The following FBXW11 variants were observed in gnomAD, a reference collection of about 807,000 sequenced individuals.
FBXW11 encodes F-box and WD repeat domain containing 11.
FBXW11 carries 19 observed loss-of-function variants against 77.6 expected under a neutral mutation model. The ratio of observed to expected loss-of-function variants is 0.24; its 90% CI spans 0.17 to 0.36. The LOEUF is 0.36. Among genes scored for constraint, FBXW11 ranks in the 10% least tolerant of loss-of-function variants. The pLI is 1.00. For missense variants in FBXW11, 334 were observed against 704.2 expected (o/e 0.47, Z 5.95); for synonymous variants, 235 against 249.4 (o/e 0.94, Z 0.54).
chr5:171,998,000 A>C (rs866211258), intron 1 of FBXW11, among the ~76,000 whole-genome samples: 5 of 152,186 alleles, frequency 3.3e-5, no homozygotes, highest in African/African-American at 1.2e-4. Context: ...TTCTCAAAAA[A>C]AGATGAGCAG....
At chr5:171,977,766 TC>T (rs112311399) in intron 1 of FBXW11, 3 of 351,516 alleles carry the variant, frequency 8.5e-6, no homozygotes. Flanking sequence ...TTAAGAAAGA[TC>T]AGATCTCGTG....
In FBXW11 at chr5:171,914,338, C is replaced by T; in HGVS notation, c.210+5G>A. On this transcript the variant is annotated splice_donor_5th_base_variant and intron_variant, in intron 3 of 13. Transcript: ENST00000517395. Reference sequence around the variant, plus strand: ...GCTATCTAATCTGTGCGCCGTCATTCCTACCTGCCAAAGAGTATTTTTCTT... The same window carrying T: ...GCTATCTAATCTGTGCGCCGTCATTTCTACCTGCCAAAGAGTATTTTTCTT... 6.2e-7 allele frequency: 1 copy of T among 1,602,130 alleles called. No individual in the cohort carries two copies. The highest frequency in any genetic ancestry group is 8.5e-7 in the Non-Finnish European group (1 of 1,174,470).
chr5:171,892,002 G>A (rs1202131838), intron 6 of FBXW11, among the ~76,000 whole-genome samples: 2 of 152,124 alleles, frequency 1.3e-5, no homozygotes, highest in East Asian at 3.9e-4. Flanking sequence ...TCCAAACAAA[G>A]AATTGTCTTG....
At chr5:171,994,307 T>C (rs928692314) in intron 1 of FBXW11, among the ~76,000 whole-genome samples, 2 of 152,178 alleles carry the variant, frequency 1.3e-5, no homozygotes, top group Non-Finnish European at 2.9e-5. Context: ...TTAACCACTC[T>C]ACCCTTTAGT....
intron 2 of FBXW11, among the ~76,000 whole-genome samples, chr5:171,933,427 C>T (rs1581221750): frequency 1.3e-5 from 2 of 152,166 alleles, no homozygotes; most frequent in East Asian, 1.9e-4. Context: ...ATGATGGAAA[C>T]ATGTTATTAT....
chr5:171,934,981 C>T (rs1374257255), intron 2 of FBXW11, among the ~76,000 whole-genome samples: 1 of 151,896 alleles, frequency 6.6e-6, no homozygotes, highest in Non-Finnish European at 1.5e-5. Flanking sequence ...GTTTTTGAGA[C>T]GGAGTCTCGC....
chr5:171,939,715 A>AG (rs1348917561), intron 2 of FBXW11, among the ~76,000 whole-genome samples: 2 of 148,178 alleles, frequency 1.3e-5, no homozygotes, highest in African/African-American at 2.6e-5. Context: ...AAAAAAAAAA[A>AG]AAAGAAAGAA....
chr5:171,949,843 C>A (rs1274443952), intron 2 of FBXW11, among the ~76,000 whole-genome samples: 1 of 152,122 alleles, frequency 6.6e-6, no homozygotes, highest in Non-Finnish European at 1.5e-5. Flanking sequence ...TATTCAATGT[C>A]ATCTAGAGTA....
intron 1 of FBXW11, among the ~76,000 whole-genome samples, chr5:171,990,998 G>A (rs887055666): frequency 2.0e-5 from 3 of 151,920 alleles, no homozygotes; most frequent in Non-Finnish European, 1.5e-5. Flanking sequence ...GCTAATTTTC[G>A]TATTTTTAGT....
intron 2 of FBXW11, among the ~76,000 whole-genome samples, chr5:171,948,554 A>G (rs1274736885): frequency 1.3e-5 from 2 of 152,170 alleles, no homozygotes; most frequent in Non-Finnish European, 2.9e-5. Context: ...TCTGGGCAAC[A>G]TAGGAAGATC....
At chr5:171,889,614 T>C (rs1324637093) in intron 7 of FBXW11, among the ~76,000 whole-genome samples, 1 of 151,210 alleles carries the variant, frequency 6.6e-6, no homozygotes, top group African/African-American at 2.4e-5. Context: ...CGGCCAGGCA[T>C]GGTGGTTTAC....
Position 171,904,484 on chromosome 5 carries a change from A to G in FBXW11, c.437-4384T>C, listed in dbSNP as rs1760343253. On this transcript the variant is annotated intron_variant, in intron 4 of 13. Transcript: ENST00000517395. This position sits in a 1 kb window ranked among gnomAD's most constrained non-coding sequence, Gnocchi z 4.0. ...GTTACTGATTTTCAAAACAACAGCA[A>G]AAAGAAAAGATCCCCCCAATCTTCT... is the stretch of plus-strand genomic sequence containing the variant. Among the ~76,000 whole-genome samples, 1 of 152,102 alleles carries G rather than the reference A, an allele frequency of 6.6e-6. No individual in the cohort carries two copies. Among genetic ancestry groups the G allele is most frequent in the Non-Finnish European group, 1.5e-5 (1 of 68,020 alleles).
chr5:171,944,344 G>A (rs1762893528), intron 2 of FBXW11, among the ~76,000 whole-genome samples: 1 of 151,866 alleles, frequency 6.6e-6, no homozygotes, highest in African/African-American at 2.4e-5. Context: ...GGGAGGCCAA[G>A]GCAGGTGGAT....
intron 2 of FBXW11, among the ~76,000 whole-genome samples, chr5:171,925,590 C>T (rs1761848745): frequency 6.6e-6 from 1 of 152,230 alleles, no homozygotes; most frequent in Admixed American, 6.5e-5. Flanking sequence ...AAGCAATCTT[C>T]CAGCCTCAGC....
intron 4 of FBXW11, 105 bp downstream of exon 4, chr5:171,910,467 G>T (rs1283554845): frequency 3.1e-6 from 2 of 654,948 alleles, no homozygotes; most frequent in African/African-American, 3.7e-5. Flanking sequence ...CCAAAGAAAT[G>T]CTGCCTCACA....
intron 1 of FBXW11, among the ~76,000 whole-genome samples, chr5:171,968,162 A>G (rs1764321634): frequency 6.6e-6 from 1 of 152,000 alleles, no homozygotes; most frequent in Admixed American, 6.6e-5. Context: ...TAGGACAGCT[A>G]TAAGAATTTG....
At chr5:171,905,589 A>AACCCC (rs1428374689) in intron 4 of FBXW11, among the ~76,000 whole-genome samples, 2 of 111,152 alleles carry the variant, frequency 1.8e-5, no homozygotes, top group East Asian at 3.5e-4. Context: ...CAAAAAGCTA[A>AACCCC]CCCCCCCCCC....
chr5:171,957,216 G>GA (rs1167437376), intron 2 of FBXW11, among the ~76,000 whole-genome samples: 1 of 151,992 alleles, frequency 6.6e-6, no homozygotes, highest in Non-Finnish European at 1.5e-5. Context: ...TTTCAAAATA[G>GA]AAAAAAATCA....
intron 4 of FBXW11, among the ~76,000 whole-genome samples, chr5:171,908,047 G>A (rs1024486450): frequency 3.3e-5 from 5 of 152,152 alleles, no homozygotes; most frequent in African/African-American, 1.2e-4. Flanking sequence ...TGAGAAAAAT[G>A]AAGGCATCCT....
Sources: gnomAD v4.1 joint callset for allele counts (sites outside exome capture counted in the v4.1 genomes callset) on GRCh38, gnomAD v4.1.1 for gene constraint, Gnocchi (gnomAD v3.1) non-coding constraint, MANE v1.5 for transcripts, NCBI Gene and HGNC (gene_info 2026-07-23, HGNC 2026-07-21) for gene names.